VPS53: variants seen among roughly 807,000 people sequenced by gnomAD.
VPS53 encodes vacuolar protein sorting-associated protein 53 homolog.
VPS53 carries 70 observed loss-of-function variants against 107.0 expected under a neutral mutation model. That is an observed-to-expected ratio of 0.65 (90% CI 0.54 to 0.80). VPS53 has a LOEUF of 0.80. Among genes scored for constraint, VPS53 ranks in the 30% least tolerant of loss-of-function variants. The pLI, the probability that VPS53 is intolerant of heterozygous loss-of-function variation, is 0.00. For synonymous variants in VPS53, 409 were observed against 393.3 expected (o/e 1.04, Z -0.47); for missense variants, 917 against 1,049.4 (o/e 0.87, Z 1.74).
chr17:692,066 G>A (rs1265113421), intron 4 of VPS53, among the ~76,000 whole-genome samples: 1 of 152,132 alleles, frequency 6.6e-6, no homozygotes, highest in Non-Finnish European at 1.5e-5. Flanking sequence ...CTACATTGCA[G>A]CCAGGCTCCA....
chr17:640,028 T>C (rs1970359623), intron 7 of VPS53, among the ~76,000 whole-genome samples: 1 of 152,210 alleles, frequency 6.6e-6, no homozygotes. Flanking sequence ...CAGGCCTCCT[T>C]GAGCTGTGCT....
intron 4 of VPS53, among the ~76,000 whole-genome samples, chr17:678,483 T>C (rs1972252010): frequency 6.6e-6 from 1 of 151,806 alleles, no homozygotes; most frequent in Non-Finnish European, 1.5e-5. Context: ...TTTATTTTTT[T>C]TGATACAGAG....
chr17:580,104 A>G (rs1966914748), intron 13 of VPS53, among the ~76,000 whole-genome samples: 1 of 150,882 alleles, frequency 6.6e-6, no homozygotes, highest in African/African-American at 2.4e-5. Context: ...CTCAGAACCT[A>G]ATGCGTTCCC....
intron 11 of VPS53, among the ~76,000 whole-genome samples, chr17:614,394 A>G (rs1200717417): frequency 6.6e-6 from 1 of 152,172 alleles, no homozygotes; most frequent in Non-Finnish European, 1.5e-5. Context: ...GATTTGGATG[A>G]CTTTTTTCCT....
At chr17:672,223 C>CTCTCTGAGCTGAAG (rs1325796446) in intron 4 of VPS53, among the ~76,000 whole-genome samples, 1 of 148,416 alleles carries the variant, frequency 6.7e-6, no homozygotes, top group Non-Finnish European at 1.5e-5. Flanking sequence ...GAGCTTTACT[C>CTCTCTGAGCTGAAG]CCGTCTTTGG....
chr17:633,923 C>A (rs771693427), intron 7 of VPS53, among the ~76,000 whole-genome samples: 88 of 152,210 alleles, frequency 5.8e-4, no homozygotes, highest in Non-Finnish European at 1.1e-3. Flanking sequence ...AGGCTCAGGC[C>A]CCCCCTGTTC....
At chr17:534,897 A>AT (rs1567604035) in intron 18 of VPS53, among the ~76,000 whole-genome samples, 1 of 151,120 alleles carries the variant, frequency 6.6e-6, no homozygotes, top group Non-Finnish European at 1.5e-5. Flanking sequence ...CAGCCTGGGT[A>AT]ACAGAGTGGG....
At chr17:532,531 G>T in intron 19 of VPS53, 1 of 365,998 alleles carries the variant, frequency 2.7e-6, no homozygotes, top group Non-Finnish European at 4.3e-6. Flanking sequence ...AAATGCTGGG[G>T]TTACAGCGTG....
intron 12 of VPS53, 61 bp downstream of exon 12, chr17:601,734 A>G (rs2143008322): frequency 1.5e-6 from 2 of 1,350,694 alleles, no homozygotes; most frequent in Non-Finnish European, 2.1e-6. Context: ...TGGAGCAAGC[A>G]GACCGATTTT....
intron 4 of VPS53, among the ~76,000 whole-genome samples, chr17:677,969 A>G (rs912393386): frequency 2.6e-5 from 4 of 151,984 alleles, no homozygotes; most frequent in African/African-American, 7.3e-5. Context: ...AATACAAAAA[A>G]AATTAGCCAG....
chr17:519,401 C>A lies in VPS53; in HGVS notation c.2329-103G>T. On this transcript the variant is annotated intron_variant, in intron 21 of 21. Coordinates refer to ENST00000437048, the MANE Select transcript of VPS53 (RefSeq NM_001128159.3). This position sits in a 1 kb window ranked among gnomAD's most constrained non-coding sequence, Gnocchi z 5.0. ...ATGGGGTCAGCAGAGGCTCTGGAGACAGCATAGTTACTCCAGGCTGAGGAT... is the reference window on the plus strand; with the variant it reads ...ATGGGGTCAGCAGAGGCTCTGGAGAAAGCATAGTTACTCCAGGCTGAGGAT... 8.4e-7 allele frequency: 1 copy of A among 1,191,004 alleles called. No homozygotes were observed. Among genetic ancestry groups the A allele is most frequent in the Middle Eastern group, 2.0e-4 (1 of 4,950 alleles). 73.8% of individuals were successfully genotyped at this position (1,191,004 alleles called of 1,614,324 possible). A position where few individuals can be genotyped will look rare whatever the true frequency, so the allele number is the denominator to read the frequency against.
chr17:586,682 T>TGCTTTAGA (rs1439947904), intron 12 of VPS53, among the ~76,000 whole-genome samples: 1 of 152,254 alleles, frequency 6.6e-6, no homozygotes, highest in African/African-American at 2.4e-5. Context: ...TAGCACCTTG[T>TGCTTTAGA]ATTTACACAG....
intron 2 of VPS53, among the ~76,000 whole-genome samples, chr17:703,242 G>T (rs1973271621): frequency 6.6e-6 from 1 of 152,140 alleles, no homozygotes; most frequent in South Asian, 2.1e-4. Flanking sequence ...TGCTCTGCAG[G>T]ACAGGTGCTT....
intron 7 of VPS53, 165 bp downstream of exon 7, chr17:653,126 A>G: frequency 1.0e-6 from 1 of 984,982 alleles, no homozygotes; most frequent in East Asian, 1.1e-4. Flanking sequence ...AAGCTGCCGG[A>G]TCTGTGGAAT....
At chr17:602,000 G>T in intron 11 of VPS53, 104 bp from the exon 12 acceptor site, 2 of 806,492 alleles carry the variant, frequency 2.5e-6, no homozygotes, top group Non-Finnish European at 3.7e-6. Flanking sequence ...AGTCATGCAC[G>T]CTATCTGATA....
At chr17:556,489 G>A (rs1912362160) in intron 15 of VPS53, among the ~76,000 whole-genome samples, 2 of 152,118 alleles carry the variant, frequency 1.3e-5, no homozygotes, top group Non-Finnish European at 2.9e-5. Context: ...TGTAGTTTAT[G>A]TTTTTTAAAA....
chr17:711,813 G>A (rs955181840), intron 1 of VPS53, among the ~76,000 whole-genome samples: 3 of 145,876 alleles, frequency 2.1e-5, no homozygotes, highest in African/African-American at 7.5e-5. Flanking sequence ...GTACTTCATG[G>A]GCAATTTTTT....
chr17:553,411 T>G lies in VPS53; in HGVS notation c.1756A>C (p.Asn586His), dbSNP rs1464743730. ...AACGTGTCCATCTCTCCAGTCAGAT[T>G]GATTCGTTCAATCAGACTTACATCC... ...KVDVSLIERI[N>H]LTGEMDTFST... The change falls in exon 16 of 22, where the codon AAT becomes CAT. Residue 586 changes from asparagine (N) to histidine (H), a missense_variant. By Grantham distance (68) the Asn-to-His change is moderately conservative (BLOSUM62 1). Transcript: ENST00000437048. 1 of 1,614,112 alleles carries G rather than the reference T, an allele frequency of 6.2e-7. No individual in the cohort carries two copies. Among genetic ancestry groups the G allele is most frequent in the African/African-American group, 1.3e-5 (1 of 75,036 alleles).
At chr17:640,348 C>T (rs974284201) in intron 7 of VPS53, among the ~76,000 whole-genome samples, 5 of 152,020 alleles carry the variant, frequency 3.3e-5, no homozygotes, top group South Asian at 2.1e-4. Context: ...TTGCGCTTCC[C>T]GGGTGACGCG....
Sources: allele counts gnomAD v4.1 joint callset (sites outside exome capture counted in the v4.1 genomes callset), GRCh38; gene constraint gnomAD v4.1.1; non-coding constraint Gnocchi (gnomAD v3.1); transcripts MANE v1.5; gene names NCBI Gene and HGNC (gene_info 2026-07-23, HGNC 2026-07-21).